Variants in GRIA4 observed in about 807,000 individuals in gnomAD.
The protein encoded by GRIA4 is glutamate ionotropic receptor AMPA type subunit 4.
In GRIA4, 34 loss-of-function variants were observed where a neutral mutation model predicts 104.0. The ratio of observed to expected loss-of-function variants is 0.33; its 90% CI spans 0.25 to 0.44. The LOEUF is 0.44. Ranked by LOEUF, GRIA4 falls within the 20% of genes least tolerant of loss-of-function variation. The pLI is 1.00. For missense variants in GRIA4, 750 were observed against 1,096.5 expected (o/e 0.68, Z 4.46); for synonymous variants, 386 against 381.9 (o/e 1.01, Z -0.13).
At chr11:105,770,696 C>T (rs1394062794) in intron 4 of GRIA4, among the ~76,000 whole-genome samples, 1 of 152,012 alleles carries the variant, frequency 6.6e-6, no homozygotes, top group Non-Finnish European at 1.5e-5. Context: ...TCTACCTATC[C>T]CTAGTTAAAA....
At chr11:105,824,690 A>C (rs1943702013) in intron 4 of GRIA4, 1 of 152,144 alleles carries the variant, frequency 6.6e-6, no homozygotes, top group Admixed American at 6.6e-5. Context: ...CACGATTATT[A>C]CTAATTGAAA....
intron 6 of GRIA4, among the ~76,000 whole-genome samples, chr11:105,895,252 C>CGTTGTGT (rs1555040928): frequency 2.9e-4 from 43 of 148,864 alleles, no homozygotes; most frequent in Admixed American, 2.3e-3. Flanking sequence ...CGAGCTCATG[C>CGTTGTGT]GTGTGTGTGT....
chr11:105,773,213 A>G, intron 4 of GRIA4, among the ~76,000 whole-genome samples: 1 of 152,068 alleles, frequency 6.6e-6, no homozygotes, highest in East Asian at 1.9e-4. Flanking sequence ...TTACAAGTAC[A>G]AGGTACAGGT....
At chr11:105,640,940 T>C (rs1432322396) in intron 3 of GRIA4, among the ~76,000 whole-genome samples, 1 of 152,050 alleles carries the variant, frequency 6.6e-6, no homozygotes, top group Non-Finnish European at 1.5e-5. Flanking sequence ...TTACATTAAT[T>C]TGATGTTCTG....
intron 4 of GRIA4, among the ~76,000 whole-genome samples, chr11:105,812,884 G>A (rs1359365447): frequency 1.3e-5 from 2 of 151,940 alleles, no homozygotes; most frequent in East Asian, 1.9e-4. Context: ...GGCGGATCAC[G>A]AGGTCAGGAG....
chr11:105,891,427 A>T (rs1289539498), intron 6 of GRIA4, among the ~76,000 whole-genome samples: 1 of 152,212 alleles, frequency 6.6e-6, no homozygotes, highest in Non-Finnish European at 1.5e-5. Flanking sequence ...ATATTTTAGG[A>T]AAAAGGATTT....
chr11:105,856,480 A>AGGCG (rs1945011666), intron 4 of GRIA4, among the ~76,000 whole-genome samples: 1 of 152,098 alleles, frequency 6.6e-6, no homozygotes, highest in Non-Finnish European at 1.5e-5. Context: ...TAAAAAGTAT[A>AGGCG]TTCATACAGT....
At chr11:105,695,544 T>G (rs1053630233) in intron 3 of GRIA4, among the ~76,000 whole-genome samples, 5 of 151,944 alleles carry the variant, frequency 3.3e-5, no homozygotes, top group African/African-American at 1.2e-4. Flanking sequence ...GGTGGTTGTC[T>G]TGCTTTTCCA....
At chr11:105,890,349 T>A (rs1946413050) in intron 6 of GRIA4, among the ~76,000 whole-genome samples, 2 of 152,222 alleles carry the variant, frequency 1.3e-5, no homozygotes, top group African/African-American at 2.4e-5. Context: ...ATTGGCTTCA[T>A]AATGGTCTTT....
intron 5 of GRIA4, among the ~76,000 whole-genome samples, chr11:105,882,888 A>G (rs1946115274): frequency 6.6e-6 from 1 of 152,220 alleles, no homozygotes; most frequent in Non-Finnish European, 1.5e-5. Flanking sequence ...TCCATCAAAG[A>G]CTAAGGATTT....
intron 3 of GRIA4, among the ~76,000 whole-genome samples, chr11:105,643,634 G>A (rs1323748299): frequency 6.6e-6 from 1 of 152,196 alleles, no homozygotes; most frequent in Admixed American, 6.5e-5. Flanking sequence ...AGTGGTTATA[G>A]AAAAGGGGGT....
intron 14 of GRIA4, among the ~76,000 whole-genome samples, chr11:105,963,608 A>G (rs953470492): frequency 1.3e-5 from 2 of 152,174 alleles, no homozygotes; most frequent in Non-Finnish European, 2.9e-5. Context: ...ACTGGGTAGT[A>G]ACTTATCTAT....
chr11:105,687,267 T>C (rs1314464462), intron 3 of GRIA4, among the ~76,000 whole-genome samples: 1 of 152,174 alleles, frequency 6.6e-6, no homozygotes, highest in African/African-American at 2.4e-5. Flanking sequence ...CGCTAAAAAA[T>C]ATGTATTTGA....
chr11:105,646,417 A>T (rs1427844969), intron 3 of GRIA4, among the ~76,000 whole-genome samples: 4 of 152,094 alleles, frequency 2.6e-5, no homozygotes, highest in African/African-American at 4.8e-5. Flanking sequence ...ACATAGTGAG[A>T]CTCTGTCTCT....
intron 3 of GRIA4, among the ~76,000 whole-genome samples, chr11:105,652,951 A>G (rs1951725187): frequency 6.6e-6 from 1 of 152,144 alleles, no homozygotes; most frequent in Non-Finnish European, 1.5e-5. Flanking sequence ...TCTGTCACCC[A>G]GGCTGGAGTG....
At chr11:105,817,914 T>C (rs1943442240) in intron 4 of GRIA4, among the ~76,000 whole-genome samples, 1 of 151,998 alleles carries the variant, frequency 6.6e-6, no homozygotes, top group Non-Finnish European at 1.5e-5. Context: ...AATATGGCAA[T>C]CATTTTAATT....
chr11:105,895,773 C>T (rs958045940), intron 6 of GRIA4, among the ~76,000 whole-genome samples: 6 of 152,264 alleles, frequency 3.9e-5, no homozygotes, highest in African/African-American at 1.4e-4. Context: ...TTTCCTACCA[C>T]ACAGGAGTCC....
At position 105,785,356 on chromosome 11, in the gene GRIA4, ATC is replaced by A. The variant is rs1245525889; in HGVS notation, c.487+32138_487+32139del. Reference sequence around the variant, plus strand: ...GCTATTAGATTGATCAATTAGATCAATCTGAGAGACAATATATTTTATTTCTA... The same window carrying A: ...GCTATTAGATTGATCAATTAGATCAATGAGAGACAATATATTTTATTTCTA... On this transcript the variant is annotated intron_variant, in intron 4 of 16. Coordinates refer to ENST00000282499, the MANE Select transcript of GRIA4 (RefSeq NM_000829.4). 2.0e-4 allele frequency among the ~76,000 whole-genome samples: 30 copies of A among 152,342 alleles called. 1 individual carries two copies. In the East Asian group the frequency reaches 5.8e-3, roughly 29 times the overall value.
rs1429945756 is a variant in GRIA4, at chr11:105,883,121, A to G, written c.673-4398A>G. ...ACAAACAAAACCCCACACACAGGGA[A>G]AAAAAAGTAATGACAAGAATCAATT... On this transcript the variant is annotated intron_variant, in intron 5 of 16. Coordinates refer to ENST00000282499, the MANE Select transcript of GRIA4 (RefSeq NM_000829.4). Among the ~76,000 whole-genome samples, 45 of 152,096 alleles carry G rather than the reference A, an allele frequency of 3.0e-4. 1 individual carries two copies. Among genetic ancestry groups the G allele is most frequent in the Admixed American group, 3.0e-3 (45 of 15,254 alleles).
Sources: allele counts gnomAD v4.1 joint callset (sites outside exome capture counted in the v4.1 genomes callset), GRCh38; gene constraint gnomAD v4.1.1; transcripts MANE v1.5; gene names NCBI Gene and HGNC (gene_info 2026-07-23, HGNC 2026-07-21).